Variants in SYCP1 observed in about 807,000 individuals in gnomAD.
The protein encoded by SYCP1 is cancer/testis antigen 8.
A neutral mutation model predicts 153.1 loss-of-function variants in SYCP1; 64 were observed. The observed-to-expected ratio is 0.42, with a 90% CI of 0.34 to 0.51. The LOEUF (loss-of-function observed/expected upper bound fraction) is 0.51, where lower values mean the gene tolerates loss of function less well. SYCP1 is among the 20% of genes least tolerant of loss of function. SYCP1 has a pLI of 0.06. For missense variants in SYCP1, 997 were observed against 1,049.0 expected (o/e 0.95, Z 0.68); for synonymous variants, 384 against 341.8 (o/e 1.12, Z -1.36).
At chr1:114,945,708 T>C (rs2101824468) in intron 25 of SYCP1, among the ~76,000 whole-genome samples, 1 of 152,298 alleles carries the variant, frequency 6.6e-6, no homozygotes, top group Admixed American at 6.5e-5. Flanking sequence ...CAAGTCCTTT[T>C]GACTTAACTG....
chr1:114,959,030 T>G (rs2101875260), intron 27 of SYCP1, among the ~76,000 whole-genome samples: 1 of 152,258 alleles, frequency 6.6e-6, no homozygotes. Flanking sequence ...TTTTTTCAGT[T>G]TCTTGTTGGT....
chr1:114,971,322 G>A (rs1336104848), intron 27 of SYCP1, among the ~76,000 whole-genome samples: 2 of 152,128 alleles, frequency 1.3e-5, no homozygotes, highest in African/African-American at 2.4e-5. Flanking sequence ...GGCCAATGGA[G>A]TTATGTTCCA....
At chr1:114,955,604 C>A (rs1030253168) in intron 27 of SYCP1, among the ~76,000 whole-genome samples, 4 of 152,112 alleles carry the variant, frequency 2.6e-5, no homozygotes, top group African/African-American at 9.7e-5. Context: ...GTTTCAGGGT[C>A]ACCATTAACC....
At chr1:114,917,630 C>T (rs977373024) in intron 20 of SYCP1, among the ~76,000 whole-genome samples, 3 of 152,086 alleles carry the variant, frequency 2.0e-5, no homozygotes, top group Non-Finnish European at 2.9e-5. Flanking sequence ...TTCTCTGCAT[C>T]CTCGCCAGTA....
chr1:114,894,061 G>A (rs761010925), intron 15 of SYCP1, among the ~76,000 whole-genome samples: 7 of 148,866 alleles, frequency 4.7e-5, no homozygotes, highest in South Asian at 4.3e-4. Context: ...ATTTTTTCTC[G>A]TACTTTTTTT....
intron 27 of SYCP1, among the ~76,000 whole-genome samples, chr1:114,963,468 G>A (rs998676763): frequency 7.9e-5 from 12 of 152,240 alleles, no homozygotes; most frequent in Admixed American, 7.2e-4. Flanking sequence ...GTGGTTTGCT[G>A]CACTCACCAA....
At chr1:114,854,516 C>T (rs147073674), upstream of SYCP1, among the ~76,000 whole-genome samples, 21 of 152,336 alleles carry the variant, frequency 1.4e-4, no homozygotes, top group African/African-American at 4.8e-4. Context: ...CCTGACTCCC[C>T]AAGCCACCCT....
intron 23 of SYCP1, among the ~76,000 whole-genome samples, chr1:114,943,784 C>T (rs954896499): frequency 1.1e-4 from 16 of 151,640 alleles, no homozygotes; most frequent in Admixed American, 2.6e-4. Flanking sequence ...CTGTCCCTGC[C>T]GTATAACACC....
rs372159310 is a variant in SYCP1, at chr1:114,911,468, T to C, written c.1426-11T>C. 65 of 1,531,958 alleles carry C rather than the reference T, an allele frequency of 4.2e-5. No homozygotes were observed. Among genetic ancestry groups the C allele is most frequent in the Non-Finnish European group, 5.5e-5 (63 of 1,140,188 alleles). The allele number at this position is 1,531,958 out of a possible 1,614,324, so 94.9% of individuals were successfully genotyped here. The stretch of plus-strand genomic sequence containing the variant: ...AAACACTTGCCATAGTTATATATGT[T>C]TATTTTGCAGAAAGAAGTACATGAT... On this transcript the variant is annotated splice_polypyrimidine_tract_variant and intron_variant, in intron 17 of 31. Coordinates refer to ENST00000369522, the MANE Select transcript of SYCP1 (RefSeq NM_003176.4).
chr1:114,929,518 C>A (rs1404906659), intron 23 of SYCP1, among the ~76,000 whole-genome samples: 2 of 151,790 alleles, frequency 1.3e-5, no homozygotes, highest in East Asian at 3.9e-4. Flanking sequence ...GAAAGAAATA[C>A]TATCATGCCA....
intron 5 of SYCP1, among the ~76,000 whole-genome samples, chr1:114,858,208 T>C (rs541811602): frequency 1.3e-5 from 2 of 152,282 alleles, no homozygotes; most frequent in Admixed American, 1.3e-4. Context: ...ATAATCAAAG[T>C]GTTTCAAGAC....
chr1:114,877,494 G>C (rs360634), intron 11 of SYCP1, among the ~76,000 whole-genome samples: 53,879 of 151,980 alleles, frequency 0.35, 10,569 homozygotes, highest in East Asian at 0.5. Context: ...GGTTAACAAG[G>C]ATATCTACTT....
Position 114,944,852 on chromosome 1 carries a change from T to A in SYCP1, c.2044-20T>A, listed in dbSNP as rs748651460. ...TGTGCATTTATTTTAAGAAACTTTT[T>A]TTTTTTGCTTATTTGATAGGTTGAG... On this transcript the variant is annotated intron_variant, in intron 24 of 31. Coordinates refer to ENST00000369522, the MANE Select transcript of SYCP1 (RefSeq NM_003176.4). 1.3e-6 allele frequency: 2 copies of A among 1,519,436 alleles called. No homozygotes were observed. The highest frequency in any genetic ancestry group is 2.3e-5 in the East Asian group (1 of 43,606). 94.1% of individuals were successfully genotyped at this position (1,519,436 alleles called of 1,614,324 possible).
intron 16 of SYCP1, 170 bp from the exon 17 acceptor site, chr1:114,910,227 G>A (rs12117860): frequency 0.24 from 107,559 of 447,614 alleles, 14,854 homozygotes; most frequent in East Asian, 0.37. Flanking sequence ...TGAATTGTCT[G>A]TCATCATGTT....
At chr1:114,907,393 T>G (rs1667880528) in intron 16 of SYCP1, among the ~76,000 whole-genome samples, 1 of 152,176 alleles carries the variant, frequency 6.6e-6, no homozygotes, top group Non-Finnish European at 1.5e-5. Flanking sequence ...GTTTTGTTCC[T>G]CTTTTAAACT....
chr1:114,922,073 T>A (rs2101721146), intron 20 of SYCP1, among the ~76,000 whole-genome samples: 1 of 152,274 alleles, frequency 6.6e-6, no homozygotes, highest in South Asian at 2.1e-4. Flanking sequence ...ATCCTTGACC[T>A]TTGTGAGTTT....
chr1:114,944,461 A>T lies in SYCP1; in HGVS notation c.2043+6A>T. On this transcript the variant is annotated splice_donor_region_variant and intron_variant, in intron 24 of 31. Transcript: ENST00000369522. Reference sequence around the variant, plus strand: ...AAGAAAATCTTTTGGAAGAGGTGGGAAAAACTTAATGTATTAAGAACTTAT... The same window carrying T: ...AAGAAAATCTTTTGGAAGAGGTGGGTAAAACTTAATGTATTAAGAACTTAT... 1 of 1,508,140 alleles carries T rather than the reference A, an allele frequency of 6.6e-7. No individual in the cohort carries two copies. Among genetic ancestry groups the T allele is most frequent in the South Asian group, 1.2e-5 (1 of 84,856 alleles). 93.4% of individuals were successfully genotyped at this position (1,508,140 alleles called of 1,614,324 possible).
chr1:114,923,409 A>G (rs1669031125), intron 20 of SYCP1, 40 bp from the exon 21 acceptor site: 1 of 1,517,368 alleles, frequency 6.6e-7, no homozygotes, highest in Non-Finnish European at 8.9e-7. Flanking sequence ...TATAGGCCTA[A>G]TAATTTTTAG....
At chr1:114,988,080 C>CAAAAAAAAAAAAAAAAAAAAAAAAAAAA (rs34553973) in intron 30 of SYCP1, among the ~76,000 whole-genome samples, 1 of 114,640 alleles carries the variant, frequency 8.7e-6, no homozygotes, top group Non-Finnish European at 1.7e-5. Context: ...TGATAAACGG[C>CAAAAAAAAAAAAAAAAAAAAAAAAAAAA]AAAAAAAAAA....
Sources: allele counts gnomAD v4.1 joint callset (sites outside exome capture counted in the v4.1 genomes callset), GRCh38; gene constraint gnomAD v4.1.1; transcripts MANE v1.5; gene names NCBI Gene and HGNC (gene_info 2026-07-23, HGNC 2026-07-21).